Variants in ZFAND3 observed in about 807,000 individuals in gnomAD.
The protein encoded by ZFAND3 is AN1-type zinc finger protein 3.
In ZFAND3, 10 loss-of-function variants were observed where a neutral mutation model predicts 29.6. The ratio of observed to expected loss-of-function variants is 0.34; its 90% CI spans 0.21 to 0.57. The LOEUF (loss-of-function observed/expected upper bound fraction) is 0.57, where lower values mean the gene tolerates loss of function less well. ZFAND3 is among the 20% of genes least tolerant of loss of function. ZFAND3 has a pLI of 0.86. For synonymous variants in ZFAND3, 128 were observed against 112.6 expected, an observed-to-expected ratio of 1.14 and a Z score of -0.87; for missense variants, 230 against 304.5, an observed-to-expected ratio of 0.76 and a Z score of 1.82.
At chr6:38,141,864 C>T (rs188951654) in intron 5 of ZFAND3, among the ~76,000 whole-genome samples, 31 of 152,318 alleles carry the variant, frequency 2.0e-4, no homozygotes, top group Admixed American at 8.5e-4. Context: ...GATGACCCCA[C>T]CCCGAAGAAT....
intron 1 of ZFAND3, among the ~76,000 whole-genome samples, chr6:37,851,103 A>G (rs951027243): frequency 6.8e-6 from 1 of 147,900 alleles, no homozygotes; most frequent in African/African-American, 2.5e-5. Flanking sequence ...GCTGGAGTGC[A>G]GCGGTGTGAC....
chr6:38,046,428 GAAGT>G (rs1763906395), intron 2 of ZFAND3, among the ~76,000 whole-genome samples: 2 of 152,206 alleles, frequency 1.3e-5, no homozygotes, highest in Non-Finnish European at 2.9e-5. Flanking sequence ...GCTTGCAAGT[GAAGT>G]AAAAAGCATA....
intron 1 of ZFAND3, among the ~76,000 whole-genome samples, chr6:37,853,847 A>C (rs910342073): frequency 6.6e-6 from 1 of 152,216 alleles, no homozygotes; most frequent in Admixed American, 6.5e-5. Flanking sequence ...CGGGGGGAAA[A>C]CACTAATCTT....
At chr6:37,934,131 G>A (rs56678832) in intron 2 of ZFAND3, among the ~76,000 whole-genome samples, 12,475 of 150,748 alleles carry the variant, frequency 0.083, 618 homozygotes, top group African/African-American at 0.14. Context: ...CAGGTGATCC[G>A]CCCACCTTGG....
intron 1 of ZFAND3, among the ~76,000 whole-genome samples, chr6:37,906,053 A>G (rs893249590): frequency 3.9e-5 from 6 of 152,192 alleles, no homozygotes; most frequent in African/African-American, 9.6e-5. Flanking sequence ...TACTTACACA[A>G]TACACCATTT....
At chr6:37,893,676 C>T (rs756163770) in intron 1 of ZFAND3, among the ~76,000 whole-genome samples, 1 of 152,088 alleles carries the variant, frequency 6.6e-6, no homozygotes, top group Non-Finnish European at 1.5e-5. Context: ...GCCTCAGCCT[C>T]CTGAGTAGCT....
chr6:37,962,547 A>G (rs942652598), intron 2 of ZFAND3, among the ~76,000 whole-genome samples: 2 of 152,168 alleles, frequency 1.3e-5, no homozygotes, highest in African/African-American at 2.4e-5. Flanking sequence ...TTTTCTGTCT[A>G]AAGGATTGTG....
chr6:37,896,509 C>CT (rs1765206809), intron 1 of ZFAND3, among the ~76,000 whole-genome samples: 2 of 111,046 alleles, frequency 1.8e-5, no homozygotes, highest in Admixed American at 1.7e-4. Flanking sequence ...TTTTTTTCCT[C>CT]TTTCTTTTCT....
intron 1 of ZFAND3, among the ~76,000 whole-genome samples, chr6:37,844,710 T>C (rs942257204): frequency 5.9e-5 from 9 of 151,754 alleles, no homozygotes; most frequent in African/African-American, 2.2e-4. Flanking sequence ...CTTTAACACT[T>C]AGGGTCTTAA....
intron 2 of ZFAND3, among the ~76,000 whole-genome samples, chr6:37,982,323 G>A (rs899481216): frequency 1.3e-5 from 2 of 151,726 alleles, no homozygotes; most frequent in East Asian, 3.9e-4. Context: ...TTGGGGTCCC[G>A]AGATATATTT....
chr6:37,964,035 T>G (rs1762247956), intron 2 of ZFAND3, among the ~76,000 whole-genome samples: 1 of 152,192 alleles, frequency 6.6e-6, no homozygotes. Flanking sequence ...TTTGTTCTGT[T>G]GTAATTCTAT....
In ZFAND3 at chr6:38,091,806, C is replaced by T. The variant is rs1468810578; in HGVS notation, c.361+9349C>T. On this transcript the variant is annotated intron_variant, in intron 4 of 5. Transcript: ENST00000287218. ...TAGGTGGGTGCCGAAGTGGAACAGACGGAGCTGAGGCATGGAGGCCTTATT... is the reference window on the plus strand; with the variant it reads ...TAGGTGGGTGCCGAAGTGGAACAGATGGAGCTGAGGCATGGAGGCCTTATT... Among the ~76,000 whole-genome samples the T allele has an allele frequency of 6.6e-5, 10 of 150,732 alleles. No individual in the cohort carries two copies. In the East Asian group the frequency reaches 9.8e-4, roughly 15 times the overall value.
chr6:37,841,446 A>C (rs533551345), intron 1 of ZFAND3, among the ~76,000 whole-genome samples: 1 of 152,168 alleles, frequency 6.6e-6, no homozygotes, highest in Non-Finnish European at 1.5e-5. Flanking sequence ...CATGCATATC[A>C]TTAACTAGAG....
At chr6:38,046,357 T>C (rs1763904903) in intron 2 of ZFAND3, among the ~76,000 whole-genome samples, 1 of 152,238 alleles carries the variant, frequency 6.6e-6, no homozygotes, top group Non-Finnish European at 1.5e-5. Context: ...ATTTGAAAGA[T>C]AATTTCAGAA....
intron 2 of ZFAND3, among the ~76,000 whole-genome samples, chr6:38,015,598 C>T (rs1162726626): frequency 6.6e-6 from 1 of 152,184 alleles, no homozygotes; most frequent in Non-Finnish European, 1.5e-5. Context: ...CCCTAGAACA[C>T]TATGCAGCTA....
At chr6:38,100,708 TG>T (rs137897549) in intron 4 of ZFAND3, among the ~76,000 whole-genome samples, 215 of 152,376 alleles carry the variant, frequency 1.4e-3, no homozygotes, top group African/African-American at 5.1e-3. Context: ...TAAGGATAGC[TG>T]CTCTGGAATA....
intron 2 of ZFAND3, among the ~76,000 whole-genome samples, chr6:37,969,813 C>G (rs1581800509): frequency 1.3e-5 from 2 of 152,156 alleles, no homozygotes; most frequent in East Asian, 3.8e-4. Context: ...GAGATACTTA[C>G]TCCCTAAAAA....
rs577828998 is a variant in ZFAND3, at chr6:38,109,704, T to G, written c.362-6868T>G. On this transcript the variant is annotated intron_variant, in intron 4 of 5. Coordinates refer to ENST00000287218, the MANE Select transcript of ZFAND3 (RefSeq NM_021943.3). Reference sequence around the variant, plus strand: ...TAATCTCAGTCTTTAAAACATACCTTTGGGGTTTTGGGTACTCATCTCCTG... The same window carrying G: ...TAATCTCAGTCTTTAAAACATACCTGTGGGGTTTTGGGTACTCATCTCCTG... 2.0e-5 allele frequency among the ~76,000 whole-genome samples: 3 copies of G among 152,126 alleles called. No homozygotes were observed. In the South Asian group the frequency reaches 6.2e-4, roughly 32 times the overall value.
Position 38,068,467 on chromosome 6 carries a change from A to C in ZFAND3, c.295+6692A>C, listed in dbSNP as rs569934726. Among the ~76,000 whole-genome samples the C allele has an allele frequency of 3.1e-3, 470 of 152,116 alleles. 3 individuals are homozygous for C. The highest frequency in any genetic ancestry group is 0.011 in the African/African-American group (447 of 41,500). On this transcript the variant is annotated intron_variant, in intron 3 of 5. Transcript: ENST00000287218. ...GCCTATTACAGAAAAAGTTTGCAAAACCCTGTTTTACAGAGTTCTTTGATA... is the reference window on the plus strand; with the variant it reads ...GCCTATTACAGAAAAAGTTTGCAAACCCCTGTTTTACAGAGTTCTTTGATA...
Sources: gnomAD v4.1 joint callset for allele counts (sites outside exome capture counted in the v4.1 genomes callset) on GRCh38, gnomAD v4.1.1 for gene constraint, MANE v1.5 for transcripts, NCBI Gene and HGNC (gene_info 2026-07-23, HGNC 2026-07-21) for gene names.